PRSS38: variants seen among roughly 807,000 people sequenced by gnomAD.
PRSS38 encodes the protein serine protease 38.
PRSS38 carries 22 observed loss-of-function variants against 26.8 expected under a neutral mutation model. That is an observed-to-expected ratio of 0.82 (90% confidence interval 0.59 to 1.17). The LOEUF is 1.17. Among genes scored for constraint, PRSS38 ranks in the 50% most tolerant of loss-of-function variants. PRSS38 has a pLI of 0.00. For synonymous variants in PRSS38, 175 were observed against 172.1 expected (o/e 1.02, Z -0.13); for missense variants, 427 against 422.7 (o/e 1.01, Z -0.09).
intron 3 of PRSS38, among the ~76,000 whole-genome samples, chr1:227,827,073 G>A (rs897934858): frequency 2.0e-5 from 3 of 152,116 alleles, no homozygotes; most frequent in African/African-American, 7.2e-5. Flanking sequence ...TGCTGGATTC[G>A]GTTTGCCAGT....
intron 3 of PRSS38, among the ~76,000 whole-genome samples, chr1:227,839,472 A>G (rs1480296674): frequency 6.6e-6 from 1 of 151,944 alleles, no homozygotes; most frequent in East Asian, 1.9e-4. Context: ...TGTCTCAAAG[A>G]AAAAAAAGGT....
chr1:227,842,366 CTGTT>C (rs772167172), intron 3 of PRSS38, among the ~76,000 whole-genome samples: 143 of 152,230 alleles, frequency 9.4e-4, no homozygotes, highest in Non-Finnish European at 1.7e-3. Context: ...CTGTCCATCT[CTGTT>C]TGTTTGGGGC....
In PRSS38 at chr1:227,817,207, A is replaced by G. The variant is rs768773810; in HGVS notation, c.312-2A>G. ...ATTGTACCTCTGTTCTCACCCCCACAGGGACAAGAATATCAAAATCTATGA... is the reference window on the plus strand; with the variant it reads ...ATTGTACCTCTGTTCTCACCCCCACGGGGACAAGAATATCAAAATCTATGA... On this transcript the variant is annotated splice_acceptor_variant, in intron 2 of 4. Coordinates refer to ENST00000366757, the Ensembl canonical transcript of PRSS38. LOFTEE classifies it high-confidence loss of function. 3.7e-6 allele frequency: 6 copies of G among 1,611,760 alleles called. No homozygotes were observed. The African/African-American group carries it at 8.0e-5, about 22-fold the overall frequency.
intron 3 of PRSS38, among the ~76,000 whole-genome samples, chr1:227,832,609 G>T (rs1665168407): frequency 6.6e-6 from 1 of 152,166 alleles, no homozygotes; most frequent in Non-Finnish European, 1.5e-5. Flanking sequence ...AAATTAAGAT[G>T]CCTGCTTTCA....
At chr1:227,815,948 C>T (rs45576341) in intron 1 of PRSS38, 84 bp downstream of exon 1, 58,222 of 1,511,192 alleles carry the variant, frequency 0.039, 2,843 homozygotes, top group East Asian at 0.24. Flanking sequence ...TCCCCCATGT[C>T]GCCTGCCCAT....
rs554766979 is a variant in PRSS38, at chr1:227,837,184, A to G, written c.584-8286A>G. ...TTTTACTCATGAATAGTCCTGTTGCACTACCATCACCACCCTCCAAGATAA... is the reference window on the plus strand; with the variant it reads ...TTTTACTCATGAATAGTCCTGTTGCGCTACCATCACCACCCTCCAAGATAA... On this transcript the variant is annotated intron_variant, in intron 3 of 4. Coordinates refer to ENST00000366757, the Ensembl canonical transcript of PRSS38. Among the ~76,000 whole-genome samples, 22 of 152,246 alleles carry G rather than the reference A, an allele frequency of 1.4e-4. No individual in the cohort carries two copies. In the Middle Eastern group the frequency reaches 0.014, roughly 94 times the overall value.
In PRSS38 at chr1:227,820,196, T is replaced by G. The variant is rs572603549; in HGVS notation, c.583+2716T>G. On this transcript the variant is annotated intron_variant, in intron 3 of 4. Coordinates refer to ENST00000366757, the Ensembl canonical transcript of PRSS38. ...GTTTATTATATGTAGTAGTTTTGTT[T>G]TTTTTTTAAAGATTAATTGGGATTT... Among the ~76,000 whole-genome samples the G allele has an allele frequency of 4.6e-5, 7 of 152,028 alleles. No homozygotes were observed. In the East Asian group the frequency reaches 1.3e-3, roughly 29 times the overall value.
intron 3 of PRSS38, among the ~76,000 whole-genome samples, chr1:227,836,167 C>G (rs1169728831): frequency 6.6e-6 from 1 of 151,808 alleles, no homozygotes; most frequent in Non-Finnish European, 1.5e-5. Flanking sequence ...AATATGAACA[C>G]AGCTTATTGC....
In PRSS38 at chr1:227,817,155, G is replaced by A. The variant is rs1572079093; in HGVS notation, c.312-54G>A. On this transcript the variant is annotated intron_variant, in intron 2 of 4. Transcript: ENST00000366757. ...TTGCGCTTGGCCTCCCCAGGCCTGT[G>A]GGCTGACCACACAGGAAGCTGCGGG... 3.2e-6 allele frequency: 5 copies of A among 1,578,550 alleles called. No individual in the cohort carries two copies. The East Asian group carries it at 9.0e-5, about 28-fold the overall frequency.
At chr1:227,818,371 T>G (rs1389789523) in intron 3 of PRSS38, among the ~76,000 whole-genome samples, 1 of 152,192 alleles carries the variant, frequency 6.6e-6, no homozygotes, top group Non-Finnish European at 1.5e-5. Context: ...TCTTTTAATC[T>G]ATTGATGCCA....
intron 3 of PRSS38, among the ~76,000 whole-genome samples, chr1:227,826,874 G>C (rs2102677231): frequency 6.6e-6 from 1 of 152,278 alleles, no homozygotes; most frequent in South Asian, 2.1e-4. Context: ...CTAGTTTAGA[G>C]TTTTTAACAT....
exon 5 of PRSS38, chr1:227,846,273 A>G (rs1665429984): frequency 1.3e-6 from 2 of 1,572,818 alleles, no homozygotes; most frequent in African/African-American, 1.3e-5. Flanking sequence ...CTGCCTCCAG[A>G]CCCCTAAGCA....
chr1:227,843,232 C>A (rs1665364949), intron 3 of PRSS38, among the ~76,000 whole-genome samples: 1 of 152,198 alleles, frequency 6.6e-6, no homozygotes, highest in South Asian at 2.1e-4. Context: ...ATGCTCCAGT[C>A]AAGGCCAGAA....
chr1:227,832,183 C>A (rs1012395718), intron 3 of PRSS38, among the ~76,000 whole-genome samples: 1 of 152,106 alleles, frequency 6.6e-6, no homozygotes, highest in African/African-American at 2.4e-5. Flanking sequence ...CTATATATGC[C>A]TCTGAATCCA....
Position 227,816,011 on chromosome 1 carries a change from C to A in PRSS38, c.149-79C>A. On this transcript the variant is annotated intron_variant, in intron 1 of 4. Coordinates refer to ENST00000366757, the Ensembl canonical transcript of PRSS38. The surrounding 1 kb of genome is among the most constrained non-coding windows in gnomAD (Gnocchi z 5.1). ...TTCCCTTCCTCCTGTGTCCCCTGCC[C>A]CTCCCCCACGTCCCCTGCCTGCCCT... 2 of 1,532,942 alleles carry A rather than the reference C, an allele frequency of 1.3e-6. No individual in the cohort carries two copies. The highest frequency in any genetic ancestry group is 1.2e-5 in the South Asian group (1 of 82,002). The allele number at this position is 1,532,942 out of a possible 1,614,324, so 95.0% of individuals were successfully genotyped here.
At chr1:227,846,036 C>T in exon 5 of PRSS38, 1 of 1,614,174 alleles carries the variant, frequency 6.2e-7, no homozygotes. Flanking sequence ...CGAGGCTGCT[C>T]CAACCCTCTG....
At chr1:227,829,794 C>A (rs975906619) in intron 3 of PRSS38, among the ~76,000 whole-genome samples, 1 of 152,120 alleles carries the variant, frequency 6.6e-6, no homozygotes, top group Non-Finnish European at 1.5e-5. Flanking sequence ...GGTAGGCTTT[C>A]TCTCTCTTGC....
chr1:227,836,201 C>T lies in PRSS38; in HGVS notation c.584-9269C>T, dbSNP rs143665085. On this transcript the variant is annotated intron_variant, in intron 3 of 4. Transcript: ENST00000366757. ...GCAGCCTCAACCTCCTAGGCTCCAG[C>T]GATCCTTCTTCCTCAGCCTCCTGAG... 4.6e-3 allele frequency among the ~76,000 whole-genome samples: 706 copies of T among 152,126 alleles called. 12 individuals carry two copies. The South Asian group carries it at 0.058, about 13-fold the overall frequency.
exon 1 of PRSS38, chr1:227,815,813 T>C: frequency 6.2e-7 from 1 of 1,612,360 alleles, no homozygotes; most frequent in Non-Finnish European, 8.5e-7. Context: ...GGTCGCAGCA[T>C]TGGTCCACAG....
Sources: allele counts gnomAD v4.1 joint callset (sites outside exome capture counted in the v4.1 genomes callset), GRCh38; gene constraint gnomAD v4.1.1; non-coding constraint Gnocchi (gnomAD v3.1); transcripts MANE v1.5; gene names NCBI Gene and HGNC (gene_info 2026-07-23, HGNC 2026-07-21).